EHBP1: variants seen among roughly 807,000 people sequenced by gnomAD.
EHBP1 encodes EH domain binding protein 1, also known as EH domain-binding protein 1.
EHBP1 carries 55 observed loss-of-function variants against 144.0 expected under a neutral mutation model. The ratio of observed to expected loss-of-function variants is 0.38; its 90% confidence interval spans 0.31 to 0.48. The LOEUF (loss-of-function observed/expected upper bound fraction) is 0.48, where lower values mean the gene tolerates loss of function less well. Ranked by LOEUF, EHBP1 falls within the 20% of genes least tolerant of loss-of-function variation. The pLI, the probability that EHBP1 is intolerant of heterozygous loss-of-function variation, is 0.98. For missense variants in EHBP1, 1,200 were observed against 1,364.2 expected, an observed-to-expected ratio of 0.88 and a Z score of 1.90; for synonymous variants, 469 against 472.7, an observed-to-expected ratio of 0.99 and a Z score of 0.10.
At position 63,045,048 on chromosome 2, in the gene EHBP1, GCCTCCCGTC is replaced by G; in HGVS notation, c.3278-17_3278-9del. The G allele has an allele frequency of 1.3e-6, 2 of 1,535,518 alleles. No individual in the cohort carries two copies. The highest frequency in any genetic ancestry group is 1.8e-6 in the Non-Finnish European group (2 of 1,133,250). On this transcript the variant is annotated splice_polypyrimidine_tract_variant and intron_variant, in intron 21 of 22. Transcript: ENST00000431489. The surrounding 1 kb of genome is among the most constrained non-coding windows in gnomAD (Gnocchi z 5.7). Reference sequence around the variant, plus strand: ...CGGAGGCCCTGCCGGTGGGTAACTAGCCTCCCGTCTTCTGCAGACTGGCAGAAGACCGAG... The same window carrying G: ...CGGAGGCCCTGCCGGTGGGTAACTAGTTCTGCAGACTGGCAGAAGACCGAG...
chr2:62,948,395 C>T lies in EHBP1; in HGVS notation c.1549C>T (p.Leu517=), dbSNP rs1429491986. The change falls in exon 13 of 23, where the codon CTA becomes TTA. Residue 517 remains leucine, a synonymous_variant. Coordinates refer to ENST00000431489, the MANE Select transcript of EHBP1 (RefSeq NM_001142616.3). Reference sequence around the variant, plus strand: ...AAGGGCACATTTCAGTGGCCAAGAACTAAATGTCGTTCAGATAGAGGAAAA... The same window carrying T: ...AAGGGCACATTTCAGTGGCCAAGAATTAAATGTCGTTCAGATAGAGGAAAA... ...QIRAHFSGQE[L]NVVQIEENSS... 6.2e-7 allele frequency: 1 copy of T among 1,613,964 alleles called. No individual in the cohort carries two copies. Among genetic ancestry groups the T allele is most frequent in the Non-Finnish European group, 8.5e-7 (1 of 1,179,958 alleles).
intron 15 of EHBP1, among the ~76,000 whole-genome samples, chr2:62,984,730 T>C (rs1298727138): frequency 2.0e-5 from 3 of 152,226 alleles, no homozygotes; most frequent in Non-Finnish European, 2.9e-5. Flanking sequence ...GATCACTTTT[T>C]ACTCTTGCCA....
intron 10 of EHBP1, among the ~76,000 whole-genome samples, chr2:62,880,161 TA>T (rs1318452158): frequency 6.6e-6 from 1 of 152,094 alleles, no homozygotes; most frequent in Non-Finnish European, 1.5e-5. Flanking sequence ...GATAGCCATG[TA>T]AAGAAGATTG....
chr2:62,775,362 G>T (rs979414067), intron 5 of EHBP1, among the ~76,000 whole-genome samples: 1 of 152,156 alleles, frequency 6.6e-6, no homozygotes, highest in Admixed American at 6.5e-5. Flanking sequence ...CACATTTCAT[G>T]CAAAAGAATT....
chr2:62,695,474 A>T (rs2034053684), intron 1 of EHBP1, among the ~76,000 whole-genome samples: 1 of 152,244 alleles, frequency 6.6e-6, no homozygotes, highest in Non-Finnish European at 1.5e-5. Context: ...AAGATTCTTT[A>T]ATCTCTCAAC....
intron 14 of EHBP1, among the ~76,000 whole-genome samples, chr2:62,968,872 A>G (rs1298234500): frequency 6.6e-6 from 1 of 152,212 alleles, no homozygotes; most frequent in Non-Finnish European, 1.5e-5. Context: ...ATCCATGTGC[A>G]TGACTGGCAG....
At chr2:62,799,220 AGGTTC>A (rs1034563208) in intron 5 of EHBP1, among the ~76,000 whole-genome samples, 1 of 152,160 alleles carries the variant, frequency 6.6e-6, no homozygotes, top group Non-Finnish European at 1.5e-5. Flanking sequence ...CATATTGAAA[AGGTTC>A]CCTGTAACCA....
intron 4 of EHBP1, among the ~76,000 whole-genome samples, chr2:62,770,349 G>T (rs141999560): frequency 3.3e-5 from 5 of 152,184 alleles, no homozygotes; most frequent in African/African-American, 1.2e-4. Context: ...TAAAAAGTGG[G>T]CAAAGGACAC....
chr2:62,986,592 C>G (rs1010294590), intron 15 of EHBP1, among the ~76,000 whole-genome samples: 5 of 151,880 alleles, frequency 3.3e-5, no homozygotes, highest in Admixed American at 6.6e-5. Context: ...GCGCACACCA[C>G]CACACCCGGC....
chr2:62,692,756 G>A (rs1164294716), intron 1 of EHBP1, among the ~76,000 whole-genome samples: 1 of 151,076 alleles, frequency 6.6e-6, no homozygotes, highest in Non-Finnish European at 1.5e-5. Context: ...TAATTTTTGT[G>A]GGCACATAGT....
intron 14 of EHBP1, among the ~76,000 whole-genome samples, chr2:62,972,791 G>A (rs1009933832): frequency 6.6e-6 from 1 of 152,152 alleles, no homozygotes; most frequent in East Asian, 1.9e-4. Flanking sequence ...ATTTTGTGCT[G>A]TGTCCATAAA....
At chr2:62,987,959 T>G in intron 15 of EHBP1, 1 of 1,602,528 alleles carries the variant, frequency 6.2e-7, no homozygotes, top group East Asian at 2.3e-5. Context: ...AGATAGATAC[T>G]AACGAGGAGA....
chr2:62,780,536 G>C (rs2042352264), intron 5 of EHBP1, among the ~76,000 whole-genome samples: 1 of 151,948 alleles, frequency 6.6e-6, no homozygotes, highest in Non-Finnish European at 1.5e-5. Flanking sequence ...AAATTTTTCA[G>C]ATTGTGCTTC....
intron 7 of EHBP1, among the ~76,000 whole-genome samples, chr2:62,837,320 A>G (rs1447413854): frequency 1.4e-5 from 2 of 145,934 alleles, no homozygotes; most frequent in Non-Finnish European, 3.0e-5. Context: ...GGCCTGCCCT[A>G]AAAGAGCTCC....
At chr2:62,832,444 T>TC (rs1037146384) in intron 7 of EHBP1, among the ~76,000 whole-genome samples, 14 of 149,330 alleles carry the variant, frequency 9.4e-5, no homozygotes, top group South Asian at 2.1e-4. Context: ...TTTTCTTTTT[T>TC]TTTTTTTTTT....
intron 10 of EHBP1, among the ~76,000 whole-genome samples, chr2:62,906,624 A>G (rs1240080386): frequency 6.6e-6 from 1 of 152,242 alleles, no homozygotes; most frequent in African/African-American, 2.4e-5. Context: ...TTAAGAAATA[A>G]TACAAAGAGA....
chr2:62,933,299 C>G (rs2056149087), intron 10 of EHBP1, among the ~76,000 whole-genome samples: 1 of 151,922 alleles, frequency 6.6e-6, no homozygotes, highest in Non-Finnish European at 1.5e-5. Flanking sequence ...TTTCTGCATT[C>G]AATATGTTGT....
intron 3 of EHBP1, among the ~76,000 whole-genome samples, chr2:62,756,446 A>G (rs1164975924): frequency 2.0e-5 from 3 of 152,220 alleles, no homozygotes; most frequent in Non-Finnish European, 4.4e-5. Flanking sequence ...AAAAGTTAGT[A>G]TGATGCAGTA....
At chr2:62,776,190 A>T (rs1473693258) in intron 5 of EHBP1, among the ~76,000 whole-genome samples, 2 of 152,116 alleles carry the variant, frequency 1.3e-5, no homozygotes, top group African/African-American at 4.8e-5. Flanking sequence ...ACATAATGCT[A>T]TTTTCATTTT....
Sources: allele counts gnomAD v4.1 joint callset (sites outside exome capture counted in the v4.1 genomes callset), GRCh38; gene constraint gnomAD v4.1.1; non-coding constraint Gnocchi (gnomAD v3.1); transcripts MANE v1.5; gene names NCBI Gene and HGNC (gene_info 2026-07-23, HGNC 2026-07-21).